The following FRY variants were observed in gnomAD, a reference collection of about 807,000 sequenced individuals.
FRY encodes the protein protein furry homolog.
A neutral mutation model predicts 348.4 loss-of-function variants in FRY; 128 were observed. The observed-to-expected ratio is 0.37, with a 90% CI of 0.32 to 0.43. The LOEUF is 0.43. Ranked by LOEUF, FRY falls within the 20% of genes least tolerant of loss-of-function variation. FRY has a pLI of 1.00. For synonymous variants in FRY, 1,370 were observed against 1,374.7 expected (o/e 1.00, Z 0.08); for missense variants, 2,736 against 3,695.2 (o/e 0.74, Z 6.73).
rs866927545 is a variant in FRY at position 32,296,182 on chromosome 13, G to C, written c.*722G>C. ...CAGATAGACTCTTTTTAAGGATCTT[G>C]GCTGCTTTTTACTAGAAGGTTGCTT... On this transcript the variant is annotated 3_prime_UTR_variant, in exon 61 of 61. Coordinates refer to ENST00000542859, the MANE Select transcript of FRY (RefSeq NM_023037.3). 22 of 152,594 alleles carry C rather than the reference G, an allele frequency of 1.4e-4. 1 individual carries two copies. Among genetic ancestry groups the C allele is most frequent in the South Asian group, 4.1e-4 (2 of 4,828 alleles). 9.5% of individuals were successfully genotyped at this position (152,594 alleles called of 1,614,324 possible). A position where few individuals can be genotyped will look rare whatever the true frequency, so the allele number is the denominator to read the frequency against.
intron 46 of FRY, among the ~76,000 whole-genome samples, chr13:32,240,676 G>A (rs1886454429): frequency 6.6e-6 from 1 of 152,188 alleles, no homozygotes; most frequent in African/African-American, 2.4e-5. Flanking sequence ...ACAAGGTCAT[G>A]AAATCTATAA....
At chr13:32,187,451 T>G in intron 27 of FRY, 95 bp from the exon 28 acceptor site, 1 of 776,142 alleles carries the variant, frequency 1.3e-6, no homozygotes, top group Non-Finnish European at 2.3e-6. Context: ...CCCTTATCAT[T>G]TATAATTCTG....
rs1395911054 is a variant in FRY, at chr13:32,261,678, G to A, written c.7479G>A (p.Lys2493=). Residue 2493 remains lysine, a synonymous_variant, in exon 52 of 61, where the codon AAG becomes AAA. Coordinates refer to ENST00000542859, the MANE Select transcript of FRY (RefSeq NM_023037.3). ...VRRRSLDSLD[K]CDMQILEERQ... ...GACGTTCTCTGGACAGCCTGGATAA[G>A]TGTGATATGCAGATTCTGGAGGAGC... is the stretch of plus-strand genomic sequence containing the variant. 1.9e-6 allele frequency: 3 copies of A among 1,614,084 alleles called. No individual in the cohort carries two copies. Among genetic ancestry groups the A allele is most frequent in the East Asian group, 4.5e-5 (2 of 44,896 alleles).
At chr13:32,274,246 G>T (rs879311033) in intron 55 of FRY, among the ~76,000 whole-genome samples, 2 of 151,884 alleles carry the variant, frequency 1.3e-5, no homozygotes, top group Non-Finnish European at 2.9e-5. Flanking sequence ...ATTAATAATC[G>T]TGTATGATAT....
chr13:32,238,066 T>G, intron 44 of FRY, 80 bp downstream of exon 44: 1 of 1,472,962 alleles, frequency 6.8e-7, no homozygotes, highest in Non-Finnish European at 9.4e-7. Flanking sequence ...TAATATGAAC[T>G]TACTGCTTTT....
intron 1 of FRY, among the ~76,000 whole-genome samples, chr13:32,057,682 G>T (rs542809240): frequency 2.0e-5 from 3 of 152,140 alleles, no homozygotes; most frequent in Admixed American, 2.0e-4. Context: ...GCAGTCAGCC[G>T]GGCATGGTGG....
chr13:32,278,646 C>T (rs371471001), intron 58 of FRY, 98 bp downstream of exon 58: 16 of 778,044 alleles, frequency 2.1e-5, no homozygotes, highest in African/African-American at 3.4e-5. Flanking sequence ...AAAGAAGAGG[C>T]GGAATGAGTC....
In FRY at chr13:32,239,374, G is replaced by A; in HGVS notation, c.6516+25G>A. On this transcript the variant is annotated intron_variant, in intron 45 of 60. Coordinates refer to ENST00000542859, the MANE Select transcript of FRY (RefSeq NM_023037.3). This position sits in a 1 kb window ranked among gnomAD's most constrained non-coding sequence, Gnocchi z 4.3. ...GGTATGAGTTACAGTTCCACACTCA[G>A]GCAGATCCATAGAGGCCTTCAGGAC... is the stretch of plus-strand genomic sequence containing the variant. 7.1e-7 allele frequency: 1 copy of A among 1,411,550 alleles called. No individual in the cohort carries two copies. The highest frequency in any genetic ancestry group is 1.0e-6 in the Non-Finnish European group (1 of 995,098). 87.4% of individuals were successfully genotyped at this position (1,411,550 alleles called of 1,614,324 possible). A position where few individuals can be genotyped will look rare whatever the true frequency, so the allele number is the denominator to read the frequency against.
chr13:32,103,547 C>A (rs867120273), intron 3 of FRY, among the ~76,000 whole-genome samples: 1 of 152,032 alleles, frequency 6.6e-6, no homozygotes, highest in Non-Finnish European at 1.5e-5. Flanking sequence ...AGGAGATATA[C>A]CTAATGTTAA....
rs1436805688 is a variant in FRY, at chr13:32,202,459, T to C, written c.3950T>C (p.Val1317Ala). Residue 1317 changes from valine (V) to alanine (A), a missense_variant, in exon 31 of 61, where the codon GTG becomes GCG. This residue lies in a region of FRY where 794 missense variants were observed against 977.0 expected (regional missense o/e 0.81). Transcript: ENST00000542859. Reference protein sequence around the residue: ...THGPLPPLYSVSLALLSCELA... With the variant: ...THGPLPPLYSASLALLSCELA... ...GGCCCGCTGCCACCCCTCTACAGCG[T>C]GTCACTTGCCCTCTTGTCATGTGAG... 5.6e-6 allele frequency: 9 copies of C among 1,613,908 alleles called. No homozygotes were observed. Among genetic ancestry groups the C allele is most frequent in the Admixed American group, 1.7e-5 (1 of 59,998 alleles).
chr13:32,227,644 T>C (rs185392304), intron 39 of FRY, among the ~76,000 whole-genome samples: 12 of 152,226 alleles, frequency 7.9e-5, no homozygotes, highest in Non-Finnish European at 4.4e-5. Flanking sequence ...AATATATCAA[T>C]ATACACATAA....
At chr13:32,190,674 A>C (rs766717870) in intron 28 of FRY, among the ~76,000 whole-genome samples, 2 of 152,148 alleles carry the variant, frequency 1.3e-5, no homozygotes, top group Non-Finnish European at 2.9e-5. Context: ...TAGTGAGAAA[A>C]ATTAAACATC....
intron 2 of FRY, among the ~76,000 whole-genome samples, chr13:32,084,910 A>G (rs1875757356): frequency 6.6e-6 from 1 of 152,072 alleles, no homozygotes; most frequent in Non-Finnish European, 1.5e-5. Context: ...ACACACACAC[A>G]CACATATCCC....
chr13:32,178,248 C>T lies in FRY; in HGVS notation c.2493C>T (p.Ser831=). ...LVEWNAVLVN[S]HYDVKSPSHV... ...AATGGAACGCAGTCCTGGTCAATAG[C>T]CATTATGATGTGAAAAGCCCTTCCC... Residue 831 remains serine, a synonymous_variant, in exon 21 of 61, where the codon AGC becomes AGT. Transcript: ENST00000542859. 1.9e-6 allele frequency: 3 copies of T among 1,614,074 alleles called. No individual in the cohort carries two copies. Among genetic ancestry groups the T allele is most frequent in the Non-Finnish European group, 2.5e-6 (3 of 1,179,942 alleles).
At chr13:32,145,529 T>G (rs1223963771) in intron 11 of FRY, among the ~76,000 whole-genome samples, 10 of 79,330 alleles carry the variant, frequency 1.3e-4, no homozygotes, top group African/African-American at 5.5e-4. Flanking sequence ...CTGATTTGTT[T>G]TTTTTTTTTT....
chr13:32,282,254 G>A (rs1243851376), intron 58 of FRY, among the ~76,000 whole-genome samples: 7 of 152,178 alleles, frequency 4.6e-5, no homozygotes, highest in Admixed American at 4.6e-4. Flanking sequence ...GTGTAATCAG[G>A]TTCTCTGTCT....
At chr13:32,047,282 G>A (rs1873073591) in intron 1 of FRY, among the ~76,000 whole-genome samples, 1 of 152,160 alleles carries the variant, frequency 6.6e-6, no homozygotes, top group Non-Finnish European at 1.5e-5. Flanking sequence ...TGTCATGTTG[G>A]CTCATTGCCA....
intron 55 of FRY, among the ~76,000 whole-genome samples, chr13:32,274,504 A>T (rs529329331): frequency 2.1e-3 from 320 of 151,624 alleles, no homozygotes; most frequent in African/African-American, 7.4e-3. Context: ...TCAGATCGAG[A>T]CCATCCTGGC....
chr13:32,136,804 G>C (rs923976963), intron 10 of FRY, 67 bp from the exon 11 acceptor site: 3 of 938,750 alleles, frequency 3.2e-6, no homozygotes, highest in Non-Finnish European at 5.3e-6. Context: ...AGTGGGTACA[G>C]AGAATGTATG....
Sources: allele counts gnomAD v4.1 joint callset (sites outside exome capture counted in the v4.1 genomes callset), GRCh38; gene constraint gnomAD v4.1.1; regional missense constraint gnomAD v4.1.1; non-coding constraint Gnocchi (gnomAD v3.1); transcripts MANE v1.5; gene names NCBI Gene and HGNC (gene_info 2026-07-23, HGNC 2026-07-21).